Variants in RETREG1 observed in about 807,000 individuals in gnomAD.
RETREG1 encodes the protein family with sequence similarity 134 member B.
Under a neutral mutation model 54.8 loss-of-function variants are expected in RETREG1, and 44 were observed. The ratio of observed to expected loss-of-function variants is 0.80; its 90% CI spans 0.63 to 1.03. RETREG1 has a LOEUF of 1.03. Among genes scored for constraint, RETREG1 ranks in the 50% least tolerant of loss-of-function variants. RETREG1 has a pLI of 0.00. For missense variants in RETREG1, 554 were observed against 605.1 expected (o/e 0.92, Z 0.89); for synonymous variants, 217 against 238.5 (o/e 0.91, Z 0.83).
intron 3 of RETREG1, among the ~76,000 whole-genome samples, chr5:16,525,764 A>T (rs1351861292): frequency 1.0e-4 from 8 of 80,224 alleles, no homozygotes; most frequent in South Asian, 3.9e-4. Flanking sequence ...ATATATATAC[A>T]CAGAGAGGGA....
At chr5:16,513,352 C>T (rs1740240653) in intron 3 of RETREG1, among the ~76,000 whole-genome samples, 2 of 152,268 alleles carry the variant, frequency 1.3e-5, no homozygotes, top group African/African-American at 4.8e-5. Flanking sequence ...TTACAGCAGC[C>T]ACAGTGGGGA....
chr5:16,477,639 T>C, intron 8 of RETREG1, 23 bp downstream of exon 8: 1 of 1,610,508 alleles, frequency 6.2e-7, no homozygotes, highest in Middle Eastern at 1.8e-4. Context: ...TAAAAATAAA[T>C]GTCTCCAGAA....
chr5:16,580,492 T>C (rs1340995051), intron 1 of RETREG1, among the ~76,000 whole-genome samples: 1 of 152,222 alleles, frequency 6.6e-6, no homozygotes, highest in African/African-American at 2.4e-5. Context: ...AAGAACTAAA[T>C]ACCATCAGAC....
intron 2 of RETREG1, among the ~76,000 whole-genome samples, chr5:16,567,108 C>T (rs202048795): frequency 2.0e-5 from 3 of 152,294 alleles, no homozygotes; most frequent in East Asian, 3.9e-4. Flanking sequence ...ATGGTAAGGA[C>T]AGCATCTCTG....
chr5:16,496,503 A>G (rs1016431549), intron 3 of RETREG1, among the ~76,000 whole-genome samples: 2 of 152,164 alleles, frequency 1.3e-5, no homozygotes, highest in African/African-American at 2.4e-5. Context: ...TGCAACTTCC[A>G]TTCACCTCCC....
chr5:16,603,850 A>ACCCACCC (rs1374937423), intron 1 of RETREG1, among the ~76,000 whole-genome samples: 1 of 139,520 alleles, frequency 7.2e-6, no homozygotes, highest in Non-Finnish European at 1.6e-5. Flanking sequence ...GGAAAGGGCC[A>ACCCACCC]CCCACCCCCC....
At chr5:16,537,320 T>C (rs1741102079) in intron 3 of RETREG1, among the ~76,000 whole-genome samples, 1 of 152,128 alleles carries the variant, frequency 6.6e-6, no homozygotes, top group Non-Finnish European at 1.5e-5. Context: ...GGCGTGAGGC[T>C]CAGAGCCGAC....
intron 1 of RETREG1, among the ~76,000 whole-genome samples, chr5:16,584,582 TG>T (rs1453277977): frequency 6.6e-6 from 1 of 152,208 alleles, no homozygotes; most frequent in African/African-American, 2.4e-5. Context: ...CACATTTTGC[TG>T]GAAGATAATT....
In RETREG1 at chr5:16,601,676, G is replaced by A. The variant is rs975481346; in HGVS notation, c.320+14976C>T. Among the ~76,000 whole-genome samples the A allele has an allele frequency of 3.3e-5, 5 of 152,216 alleles. No homozygotes were observed. The East Asian group carries it at 9.7e-4, about 29-fold the overall frequency. On this transcript the variant is annotated intron_variant, in intron 1 of 8. Transcript: ENST00000306320. ...CTCCCAAAGTGCTGCGATTATAGGCGTGAGCCACCATACCTGGCCAGGAAA... is the reference window on the plus strand; with the variant it reads ...CTCCCAAAGTGCTGCGATTATAGGCATGAGCCACCATACCTGGCCAGGAAA...
rs1742608267 is a variant in RETREG1, at chr5:16,585,625, T to C, written c.321-13523A>G. Among the ~76,000 whole-genome samples, 1 of 152,212 alleles carries C rather than the reference T, an allele frequency of 6.6e-6. No individual in the cohort carries two copies. On this transcript the variant is annotated intron_variant, in intron 1 of 8. Coordinates refer to ENST00000306320, the MANE Select transcript of RETREG1 (RefSeq NM_001034850.3). The surrounding 1 kb of genome is among the most constrained non-coding windows in gnomAD (Gnocchi z 4.5). ...TCCAGCTGAGCTAGGTACTAGGCCA[T>C]TCTTGCATTGCCCTAAAGAAATACC...
chr5:16,510,380 C>T (rs1014455485), intron 3 of RETREG1, among the ~76,000 whole-genome samples: 3 of 152,064 alleles, frequency 2.0e-5, no homozygotes, highest in South Asian at 2.1e-4. Context: ...TCGGGGTGTG[C>T]GAGAGCCTGT....
Position 16,583,449 on chromosome 5 carries a change from C to T in RETREG1, c.321-11347G>A, listed in dbSNP as rs147526297. Among the ~76,000 whole-genome samples the T allele has an allele frequency of 2.0e-4, 31 of 152,112 alleles. No homozygotes were observed. The East Asian group carries it at 5.0e-3, about 25-fold the overall frequency. On this transcript the variant is annotated intron_variant, in intron 1 of 8. Transcript: ENST00000306320. ...TGGACGTTGCAGTGAGTGAAGATCA[C>T]GCCAGTGCACTCCAGCCTGGACGAT... is the stretch of plus-strand genomic sequence containing the variant.
At chr5:16,546,900 C>A (rs1345172871) in intron 3 of RETREG1, among the ~76,000 whole-genome samples, 2 of 152,158 alleles carry the variant, frequency 1.3e-5, no homozygotes, top group African/African-American at 4.8e-5. Flanking sequence ...TTATGTAGAG[C>A]AAATAGCAAC....
intron 3 of RETREG1, among the ~76,000 whole-genome samples, chr5:16,499,298 C>T (rs1739602465): frequency 6.6e-6 from 1 of 152,148 alleles, no homozygotes; most frequent in Non-Finnish European, 1.5e-5. Flanking sequence ...CATGGAGTGT[C>T]TATCCCAGTT....
At chr5:16,535,663 CAA>C in intron 3 of RETREG1, among the ~76,000 whole-genome samples, 1 of 125,728 alleles carries the variant, frequency 8.0e-6, no homozygotes, top group East Asian at 2.4e-4. Context: ...GCTGCCTTCA[CAA>C]AGTGGGAGCT....
chr5:16,559,002 T>C (rs1741786618), intron 3 of RETREG1, among the ~76,000 whole-genome samples: 1 of 152,238 alleles, frequency 6.6e-6, no homozygotes. Context: ...AAGGATTTAA[T>C]GTGTTAGACA....
intron 3 of RETREG1, among the ~76,000 whole-genome samples, chr5:16,563,962 T>C (rs1382756269): frequency 6.6e-6 from 1 of 152,206 alleles, no homozygotes; most frequent in African/African-American, 2.4e-5. Context: ...TAAATTTCTG[T>C]TTCCAATTAC....
chr5:16,572,079 C>T lies in RETREG1; in HGVS notation c.344G>A (p.Arg115Lys). The change falls in exon 2 of 9, where the codon AGA becomes AAA. Residue 115 changes from arginine (R) to lysine (K), a missense_variant. Transcript: ENST00000306320. Reference sequence around the variant, plus strand: ...CATGACGGAAATCAGGTGATATACTCTCCATGGAGTCAATGCAAGGAACCT... The same window carrying T: ...CATGACGGAAATCAGGTGATATACTTTCCATGGAGTCAATGCAAGGAACCT... Reference protein sequence around the residue: ...LFWFLALTPWRVYHLISVMIL... With the variant: ...LFWFLALTPWKVYHLISVMIL... The T allele has an allele frequency of 1.2e-6, 2 of 1,613,542 alleles. No homozygotes were observed. Among genetic ancestry groups the T allele is most frequent in the Non-Finnish European group, 1.7e-6 (2 of 1,179,484 alleles).
intron 3 of RETREG1, among the ~76,000 whole-genome samples, chr5:16,513,393 T>C (rs1740243894): frequency 6.6e-6 from 1 of 152,204 alleles, no homozygotes. Flanking sequence ...TGGACACATG[T>C]CTTTAGAGCC....
Sources: gnomAD v4.1 joint callset for allele counts (sites outside exome capture counted in the v4.1 genomes callset) on GRCh38, gnomAD v4.1.1 for gene constraint, Gnocchi (gnomAD v3.1) non-coding constraint, MANE v1.5 for transcripts, NCBI Gene and HGNC (gene_info 2026-07-23, HGNC 2026-07-21) for gene names.